The following TNRC6A variants were observed in gnomAD, a reference collection of about 807,000 sequenced individuals.
The protein encoded by TNRC6A is trinucleotide repeat-containing gene 6A protein.
In TNRC6A, 44 loss-of-function variants were observed where a neutral mutation model predicts 221.2. The observed-to-expected ratio is 0.20, with a 90% CI of 0.16 to 0.26. The LOEUF is 0.26. Among genes scored for constraint, TNRC6A ranks in the 10% least tolerant of loss-of-function variants. The probability of loss-of-function intolerance (pLI) is 1.00; values close to 1 mark genes in which losing one functional copy is unlikely to be tolerated. For synonymous variants in TNRC6A, 847 were observed against 838.5 expected, an observed-to-expected ratio of 1.01 and a Z score of -0.18; for missense variants, 2,199 against 2,404.4, an observed-to-expected ratio of 0.91 and a Z score of 1.79.
intron 2 of TNRC6A, among the ~76,000 whole-genome samples, chr16:24,687,283 C>T (rs1162010593): frequency 6.6e-6 from 1 of 152,116 alleles, no homozygotes; most frequent in East Asian, 1.9e-4. Context: ...ATCATGTGTG[C>T]CTCCTTTCTC....
At chr16:24,787,943 C>T (rs961769115) in intron 5 of TNRC6A, among the ~76,000 whole-genome samples, 6 of 152,266 alleles carry the variant, frequency 3.9e-5, no homozygotes, top group East Asian at 1.9e-4. Context: ...AAAAGCACTA[C>T]GTGTGATTCT....
chr16:24,704,799 A>G (rs1021927083), intron 2 of TNRC6A, among the ~76,000 whole-genome samples: 2 of 151,962 alleles, frequency 1.3e-5, no homozygotes, highest in Non-Finnish European at 2.9e-5. Flanking sequence ...GGTGCATGCA[A>G]TACTTTCACA....
intron 2 of TNRC6A, among the ~76,000 whole-genome samples, chr16:24,749,571 T>C (rs1312110244): frequency 6.6e-6 from 1 of 152,200 alleles, no homozygotes; most frequent in African/African-American, 2.4e-5. Flanking sequence ...TCTGGTCTTC[T>C]GGAACCCTCT....
rs1248838760 is a variant in TNRC6A at position 24,790,712 on chromosome 16, T to G, written c.2070T>G (p.Ser690Arg). 6.2e-7 allele frequency: 1 copy of G among 1,614,086 alleles called. No individual in the cohort carries two copies. The highest frequency in any genetic ancestry group is 8.5e-7 in the Non-Finnish European group (1 of 1,180,014). Reference protein sequence around the residue: ...GRLEEKGTGESQSRDRRKIDQ... With the variant: ...GRLEEKGTGERQSRDRRKIDQ... ...TTGAGGAAAAAGGAACTGGGGAAAG[T>G]CAGAGTAGAGACAGAAGAAAAATTG... is the stretch of plus-strand genomic sequence containing the variant. The change falls in exon 6 of 25, where the codon AGT (serine) becomes AGG (arginine). Residue 690 changes from serine to arginine, a missense_variant. Physicochemically the swap from Ser to Arg is moderately radical, Grantham distance 110. Transcript: ENST00000395799.
At chr16:24,645,725 G>C (rs755276096) in intron 2 of TNRC6A, among the ~76,000 whole-genome samples, 1 of 148,770 alleles carries the variant, frequency 6.7e-6, no homozygotes, top group Non-Finnish European at 1.5e-5. Context: ...AGCCAGGCGC[G>C]GTGGCTCATG....
chr16:24,736,677 G>GA lies in TNRC6A; in HGVS notation c.53+6377_53+6378insA, dbSNP rs2056775949. ...GCAGGAGTATCCCATAGGTGATGAT[G>GA]TGTTTGTCTTCAGTATTCCCTCCCC... is the stretch of plus-strand genomic sequence containing the variant. On this transcript the variant is annotated intron_variant, in intron 2 of 24. Transcript: ENST00000395799. Among the ~76,000 whole-genome samples the GA allele has an allele frequency of 5.9e-5, 9 of 152,304 alleles. No homozygotes were observed. The South Asian group carries it at 1.9e-3, about 32-fold the overall frequency.
chr16:24,769,039 A>G (rs1567445651), intron 4 of TNRC6A, among the ~76,000 whole-genome samples: 1 of 152,234 alleles, frequency 6.6e-6, no homozygotes, highest in South Asian at 2.1e-4. Context: ...TAAACATTTA[A>G]AGAAGTATTA....
chr16:24,743,075 G>A (rs1037966225), intron 2 of TNRC6A, among the ~76,000 whole-genome samples: 2 of 152,196 alleles, frequency 1.3e-5, no homozygotes, highest in Admixed American at 1.3e-4. Context: ...GTAGCAAACT[G>A]AGTTTTGGGT....
intron 2 of TNRC6A, among the ~76,000 whole-genome samples, chr16:24,702,850 A>AT (rs1301867061): frequency 1.1e-4 from 16 of 151,472 alleles, no homozygotes; most frequent in African/African-American, 3.9e-4. Context: ...CCTGGTTAAC[A>AT]TGGTGAAACA....
At chr16:24,697,329 C>G (rs1325811455) in intron 2 of TNRC6A, among the ~76,000 whole-genome samples, 1 of 152,172 alleles carries the variant, frequency 6.6e-6, no homozygotes, top group Non-Finnish European at 1.5e-5. Context: ...TCTTGTGTCT[C>G]TCTTCACTTC....
intron 5 of TNRC6A, among the ~76,000 whole-genome samples, chr16:24,788,631 T>G (rs1452528302): frequency 4.0e-5 from 6 of 150,054 alleles, no homozygotes; most frequent in African/African-American, 1.5e-4. Flanking sequence ...CTCCTAGACC[T>G]TCTTGACTCC....
chr16:24,762,034 A>G (rs1018604209), intron 4 of TNRC6A, among the ~76,000 whole-genome samples: 1 of 152,194 alleles, frequency 6.6e-6, no homozygotes, highest in Admixed American at 6.5e-5. Context: ...CCAAAGAGTA[A>G]TAAACCCCTG....
intron 4 of TNRC6A, among the ~76,000 whole-genome samples, chr16:24,763,498 AC>A (rs539324709): frequency 1.1e-4 from 16 of 152,176 alleles, no homozygotes; most frequent in Non-Finnish European, 2.2e-4. Flanking sequence ...GCACCTCTTT[AC>A]TTTTTCTTTC....
At chr16:24,764,317 CTTCTT>C (rs1430348638) in intron 4 of TNRC6A, among the ~76,000 whole-genome samples, 6 of 151,032 alleles carry the variant, frequency 4.0e-5, no homozygotes, top group Admixed American at 6.6e-5. Context: ...GCCACAATTT[CTTCTT>C]TTCTTTTCTT....
At chr16:24,691,290 T>TC (rs953129246) in intron 2 of TNRC6A, among the ~76,000 whole-genome samples, 7 of 152,028 alleles carry the variant, frequency 4.6e-5, no homozygotes, top group Non-Finnish European at 1.0e-4. Flanking sequence ...CAGTCATAGC[T>TC]CACTGCAACC....
At chr16:24,761,196 T>A (rs1200887845) in intron 4 of TNRC6A, among the ~76,000 whole-genome samples, 1 of 152,244 alleles carries the variant, frequency 6.6e-6, no homozygotes, top group Admixed American at 6.5e-5. Context: ...GGAACTAAAT[T>A]TTTAATCTTA....
At chr16:24,778,900 G>T (rs573770508) in intron 5 of TNRC6A, among the ~76,000 whole-genome samples, 21 of 152,260 alleles carry the variant, frequency 1.4e-4, no homozygotes, top group Admixed American at 9.8e-4. Flanking sequence ...TTCGGGAGAG[G>T]TTAGTTATAC....
At chr16:24,637,893 T>C (rs1596570086) in intron 1 of TNRC6A, among the ~76,000 whole-genome samples, 1 of 152,142 alleles carries the variant, frequency 6.6e-6, no homozygotes, top group Admixed American at 6.5e-5. Context: ...CAAGCGATTC[T>C]CCTGTCTCAG....
At chr16:24,752,976 T>C (rs921987081) in intron 3 of TNRC6A, among the ~76,000 whole-genome samples, 9 of 152,230 alleles carry the variant, frequency 5.9e-5, no homozygotes, top group African/African-American at 2.2e-4. Context: ...ATGATGTCTT[T>C]AAATATTGTA....
Sources: allele counts gnomAD v4.1 joint callset (sites outside exome capture counted in the v4.1 genomes callset), GRCh38; gene constraint gnomAD v4.1.1; transcripts MANE v1.5; gene names NCBI Gene and HGNC (gene_info 2026-07-23, HGNC 2026-07-21).